BEND6: variants seen among roughly 807,000 people sequenced by gnomAD.
BEND6 encodes BEN domain containing 6.
A neutral mutation model predicts 31.8 loss-of-function variants in BEND6; 24 were observed. That is an observed-to-expected ratio of 0.75 (90% CI 0.55 to 1.06). BEND6 has a LOEUF of 1.06. Among genes scored for constraint, BEND6 ranks in the 50% least tolerant of loss-of-function variants. The probability of loss-of-function intolerance (pLI) is 0.00; values close to 1 mark genes in which losing one functional copy is unlikely to be tolerated. For missense variants in BEND6, 294 were observed against 327.4 expected (o/e 0.90, Z 0.79); for synonymous variants, 109 against 114.6 (o/e 0.95, Z 0.31).
At position 56,992,461 on chromosome 6, in the gene BEND6, A is replaced by C. The variant is rs748881219; in HGVS notation, c.204A>C (p.Glu68Asp). 6 of 1,614,092 alleles carry C rather than the reference A, an allele frequency of 3.7e-6. No individual in the cohort carries two copies. Among genetic ancestry groups the C allele is most frequent in the Admixed American group, 1.7e-5 (1 of 60,006 alleles). Residue 68 changes from glutamate (E) to aspartate (D), a missense_variant, in exon 3 of 7, where the codon GAA becomes GAC. Transcript: ENST00000370746. ...AGCCTTTAGCAGAATTGTCAAAGGAAGAATTGTGCGCCAAAATAAAAAGCC... is the reference window on the plus strand; with the variant it reads ...AGCCTTTAGCAGAATTGTCAAAGGACGAATTGTGCGCCAAAATAAAAAGCC... ...DEEPLAELSK[E>D]ELCAKIKSLK... is the part of the protein sequence containing the mutation.
intron 3 of BEND6, among the ~76,000 whole-genome samples, chr6:56,996,002 A>T (rs1042472540): frequency 6.6e-6 from 1 of 152,106 alleles, no homozygotes; most frequent in Non-Finnish European, 1.5e-5. Flanking sequence ...CCTTCCTCCT[A>T]TATTGCTGGT....
chr6:56,980,812 C>T (rs901227503), intron 1 of BEND6, among the ~76,000 whole-genome samples: 1 of 152,168 alleles, frequency 6.6e-6, no homozygotes, highest in African/African-American at 2.4e-5. Context: ...TTCTTGAAGA[C>T]ATCTAAGTCC....
rs568657850 is a variant in BEND6, at chr6:56,961,758, C to T, written c.-101+6298C>T. On this transcript the variant is annotated intron_variant, in intron 1 of 6. Coordinates refer to ENST00000370746, the MANE Select transcript of BEND6 (RefSeq NM_152731.3). ...GACATTCTGGTAAATAAAGCCACCA[C>T]TCTTCCTAAATCCTTCCCCAAGCCC... Among the ~76,000 whole-genome samples, 43 of 152,338 alleles carry T rather than the reference C, an allele frequency of 2.8e-4. No homozygotes were observed. In the South Asian group the frequency reaches 8.5e-3, roughly 30 times the overall value.
At chr6:57,009,562 T>C (rs894962022) in intron 3 of BEND6, 1 of 152,188 alleles carries the variant, frequency 6.6e-6, no homozygotes, top group African/African-American at 2.4e-5. Flanking sequence ...ACTCCTTGGA[T>C]AAATGGCTGA....
intron 3 of BEND6, among the ~76,000 whole-genome samples, chr6:57,002,517 C>G (rs1826981010): frequency 6.6e-6 from 1 of 152,286 alleles, no homozygotes; most frequent in East Asian, 1.9e-4. Flanking sequence ...GAACCATACT[C>G]TCAGACCACA....
intron 6 of BEND6, among the ~76,000 whole-genome samples, chr6:57,023,540 TG>T (rs113850823): frequency 0.024 from 3,662 of 152,286 alleles, 137 homozygotes; most frequent in African/African-American, 0.084. Context: ...ATAGGCAACA[TG>T]GTAGTTGGGT....
chr6:56,963,020 G>A (rs1276211075), intron 1 of BEND6, among the ~76,000 whole-genome samples: 5 of 152,102 alleles, frequency 3.3e-5, no homozygotes, highest in African/African-American at 1.2e-4. Context: ...CTATTTTATG[G>A]ATGGGAATTC....
chr6:56,967,669 G>A (rs1168581959), intron 1 of BEND6, among the ~76,000 whole-genome samples: 2 of 152,182 alleles, frequency 1.3e-5, no homozygotes, highest in East Asian at 3.9e-4. Flanking sequence ...TGATGAACAA[G>A]CCAAGACTCC....
intron 1 of BEND6, among the ~76,000 whole-genome samples, chr6:56,958,421 C>T (rs775040615): frequency 2.0e-4 from 30 of 152,048 alleles, no homozygotes; most frequent in Non-Finnish European, 3.4e-4. Flanking sequence ...GTGTAACAAC[C>T]AGTTGAGAAA....
At chr6:57,001,870 G>A (rs76238912) in intron 3 of BEND6, among the ~76,000 whole-genome samples, 3 of 152,112 alleles carry the variant, frequency 2.0e-5, no homozygotes, top group African/African-American at 7.2e-5. Context: ...CTTTACAATA[G>A]GATCAAAACT....
chr6:56,977,521 T>C (rs1825922348), intron 1 of BEND6, among the ~76,000 whole-genome samples: 1 of 152,210 alleles, frequency 6.6e-6, no homozygotes, highest in Non-Finnish European at 1.5e-5. Context: ...CTTATGAAAA[T>C]GTAAAGTGTT....
Position 57,015,304 on chromosome 6 carries a change from C to T in BEND6, c.470C>T (p.Ser157Leu). ...AGTAATTCTAATTCTAACTCCAGTT[C>T]ACCAGTTTCCTTAAAGCCTGAGGAA... ...TCSNSNSNSSSPVSLKPEEEH... is the reference protein window; with the variant it reads ...TCSNSNSNSSLPVSLKPEEEH... Residue 157 changes from serine to leucine, a missense_variant, in exon 4 of 7, where the codon TCA becomes TTA. Ser to Leu is a moderately radical substitution (Grantham distance 145). Coordinates refer to ENST00000370746, the MANE Select transcript of BEND6 (RefSeq NM_152731.3). 6.2e-7 allele frequency: 1 copy of T among 1,614,134 alleles called. No individual in the cohort carries two copies. The highest frequency in any genetic ancestry group is 8.5e-7 in the Non-Finnish European group (1 of 1,180,016).
rs1429178469 is a variant in BEND6 at position 57,026,581 on chromosome 6, A to G, written c.*509A>G. ...TAATGTTGGCAAATATGAGAACAAC[A>G]AAGTCAGCCCAAAATCTGATAATCA... On this transcript the variant is annotated 3_prime_UTR_variant, in exon 7 of 7. Coordinates refer to ENST00000370746, the MANE Select transcript of BEND6 (RefSeq NM_152731.3). The G allele has an allele frequency of 1.3e-5, 2 of 152,236 alleles. No homozygotes were observed. Among genetic ancestry groups the G allele is most frequent in the African/African-American group, 2.4e-5 (1 of 41,460 alleles). The allele number at this position is 152,236 out of a possible 1,614,324, so 9.4% of individuals were successfully genotyped here. A position where few individuals can be genotyped will look rare whatever the true frequency, so the allele number is the denominator to read the frequency against.
rs895283702 is a variant in BEND6, at chr6:56,955,271, C to G, written c.-290C>G. ...GCATTGGCCGGGTGCCTCTAGCTTC[C>G]CGGACACCCGGAGCTTCCGCCTATC... On this transcript the variant is annotated 5_prime_UTR_variant, in exon 1 of 7. Transcript: ENST00000370746. 2 of 152,154 alleles carry G rather than the reference C, an allele frequency of 1.3e-5. No homozygotes were observed. The highest frequency in any genetic ancestry group is 4.8e-5 in the African/African-American group (2 of 41,454). 9.4% of individuals were successfully genotyped at this position (152,154 alleles called of 1,614,324 possible). A position where few individuals can be genotyped will look rare whatever the true frequency, so the allele number is the denominator to read the frequency against.
intron 3 of BEND6, among the ~76,000 whole-genome samples, chr6:57,011,455 G>A (rs1827337672): frequency 6.6e-6 from 1 of 152,104 alleles, no homozygotes; most frequent in South Asian, 2.1e-4. Flanking sequence ...ATTGGGCCTA[G>A]CAAAGTGGCT....
chr6:57,016,027 A>G (rs889073842), intron 4 of BEND6, among the ~76,000 whole-genome samples: 1 of 152,190 alleles, frequency 6.6e-6, no homozygotes, highest in Non-Finnish European at 1.5e-5. Flanking sequence ...GGGTACAAAG[A>G]TAAAGTTATT....
At chr6:56,983,072 C>G (rs1283329790) in intron 2 of BEND6, among the ~76,000 whole-genome samples, 1 of 152,162 alleles carries the variant, frequency 6.6e-6, no homozygotes, top group Admixed American at 6.5e-5. Context: ...AACCACACAA[C>G]ACTGTACCAC....
intron 1 of BEND6, among the ~76,000 whole-genome samples, chr6:56,977,293 G>A (rs1825911110): frequency 6.6e-6 from 1 of 152,136 alleles, no homozygotes; most frequent in African/African-American, 2.4e-5. Context: ...GAGTCAACAG[G>A]TTACTGCTCA....
chr6:57,022,896 G>A (rs958500664), intron 6 of BEND6, among the ~76,000 whole-genome samples: 2 of 151,980 alleles, frequency 1.3e-5, no homozygotes, highest in Admixed American at 1.3e-4. Flanking sequence ...GGTCATTCAC[G>A]AGCTTGTTAT....
Sources: allele counts gnomAD v4.1 joint callset (sites outside exome capture counted in the v4.1 genomes callset), GRCh38; gene constraint gnomAD v4.1.1; transcripts MANE v1.5; gene names NCBI Gene and HGNC (gene_info 2026-07-23, HGNC 2026-07-21).